The following FGD6 variants were observed in gnomAD, a reference collection of about 807,000 sequenced individuals.
FGD6 encodes FYVE, RhoGEF and PH domain-containing protein 6.
In FGD6, 90 loss-of-function variants were observed where a neutral mutation model predicts 149.4. That is an observed-to-expected ratio of 0.60 (90% CI 0.51 to 0.72). The LOEUF (loss-of-function observed/expected upper bound fraction) is 0.72. Ranked by LOEUF, FGD6 falls within the 30% of genes least tolerant of loss-of-function variation. The pLI is 0.00. For synonymous variants in FGD6, 527 were observed against 584.0 expected (o/e 0.90, Z 1.41); for missense variants, 1,437 against 1,684.8 (o/e 0.85, Z 2.57).
In FGD6 at chr12:95,217,220, C is replaced by T. The variant is rs1289808755; in HGVS notation, c.16+5G>A. On this transcript the variant is annotated splice_donor_5th_base_variant and intron_variant, in intron 1 of 20. Coordinates refer to ENST00000343958, the MANE Select transcript of FGD6 (RefSeq NM_018351.4). The stretch of plus-strand genomic sequence containing the variant: ...TCCCGCGGCAGCGCGAGCGCCGTCA[C>T]TTACCGGCTGCAGAAGTCATGATTC... 3 of 1,612,410 alleles carry T rather than the reference C, an allele frequency of 1.9e-6. No individual in the cohort carries two copies. The highest frequency in any genetic ancestry group is 8.5e-7 in the Non-Finnish European group (1 of 1,178,938).
chr12:95,179,917 A>G (rs1054167287), intron 2 of FGD6, among the ~76,000 whole-genome samples: 8 of 152,104 alleles, frequency 5.3e-5, no homozygotes, highest in Admixed American at 4.6e-4. Context: ...CATCTCTACT[A>G]AAAATACAAA....
chr12:95,176,304 G>A (rs1565916439), intron 2 of FGD6, among the ~76,000 whole-genome samples: 1 of 152,122 alleles, frequency 6.6e-6, no homozygotes, highest in Non-Finnish European at 1.5e-5. Context: ...TTGGAGTTCT[G>A]TTTATTTCCT....
At chr12:95,094,483 A>T (rs1332335227) in intron 15 of FGD6, 109 bp downstream of exon 15, 3 of 703,558 alleles carry the variant, frequency 4.3e-6, no homozygotes, top group Non-Finnish European at 4.9e-6. Context: ...TCTGATGTCC[A>T]GTCCAATCAT....
chr12:95,090,080 G>A (rs1169666136), intron 17 of FGD6, among the ~76,000 whole-genome samples: 1 of 152,102 alleles, frequency 6.6e-6, no homozygotes, highest in Non-Finnish European at 1.5e-5. Flanking sequence ...AAAAAAGGGG[G>A]CTATCGGACA....
chr12:95,112,797 T>G (rs147694633), intron 9 of FGD6, among the ~76,000 whole-genome samples: 1 of 152,282 alleles, frequency 6.6e-6, no homozygotes, highest in Non-Finnish European at 1.5e-5. Flanking sequence ...GAGTCCCTCA[T>G]GTTGTAATGG....
intron 3 of FGD6, among the ~76,000 whole-genome samples, chr12:95,169,815 A>T (rs193101112): frequency 4.6e-5 from 7 of 152,296 alleles, no homozygotes; most frequent in Admixed American, 3.9e-4. Flanking sequence ...TGATTTAATT[A>T]TGGCCCTCAA....
At chr12:95,202,928 T>C (rs926353298) in intron 2 of FGD6, among the ~76,000 whole-genome samples, 4 of 152,162 alleles carry the variant, frequency 2.6e-5, no homozygotes, top group Non-Finnish European at 5.9e-5. Context: ...TGAATATCAG[T>C]CCCAACCCCC....
chr12:95,160,257 G>A (rs1342231784), intron 3 of FGD6, among the ~76,000 whole-genome samples: 1 of 151,846 alleles, frequency 6.6e-6, no homozygotes, highest in East Asian at 1.9e-4. Context: ...ATATAAGAAT[G>A]GGCAATAAGT....
At chr12:95,131,573 A>G (rs1879520952) in intron 8 of FGD6, among the ~76,000 whole-genome samples, 1 of 152,148 alleles carries the variant, frequency 6.6e-6, no homozygotes, top group African/African-American at 2.4e-5. Flanking sequence ...GGCTACAAAG[A>G]GAATGGACTT....
At chr12:95,196,063 C>A (rs1228783525) in intron 2 of FGD6, among the ~76,000 whole-genome samples, 1 of 151,940 alleles carries the variant, frequency 6.6e-6, no homozygotes, top group Non-Finnish European at 1.5e-5. Context: ...GAGGTTGCAG[C>A]GAGCTTGAGA....
At position 95,186,225 on chromosome 12, in the gene FGD6, C is replaced by CTTTTTTTTTTTTTTTTTTTTTTTT. The variant is rs1881428152; in HGVS notation, c.2442-13482_2442-13481insAAAAAAAAAAAAAAAAAAAAAAAA. On this transcript the variant is annotated intron_variant, in intron 2 of 20. Coordinates refer to ENST00000343958, the MANE Select transcript of FGD6 (RefSeq NM_018351.4). ...AGCTAAGAATGCTTCTTATATTCTT[C>CTTTTTTTTTTTTTTTTTTTTTTTT]TTCTTTTTTTTTTTTTTTTTTTTTT... is the stretch of plus-strand genomic sequence containing the variant. 2.2e-4 allele frequency among the ~76,000 whole-genome samples: 16 copies of CTTTTTTTTTTTTTTTTTTTTTTTT among 71,186 alleles called. 8 individuals carry two copies. The highest frequency in any genetic ancestry group is 1.9e-3 in the East Asian group (4 of 2,076). 46.7% of individuals were successfully genotyped at this position (71,186 alleles called of 152,430 possible).
At position 95,137,634 on chromosome 12, in the gene FGD6, G is replaced by T. The variant is rs1335176037; in HGVS notation, c.2882C>A (p.Pro961Gln). 2 of 1,610,730 alleles carry T rather than the reference G, an allele frequency of 1.2e-6. No homozygotes were observed. The change falls in exon 7 of 21, where the codon CCA becomes CAA. Residue 961 changes from proline (P) to glutamine (Q), a missense_variant. By Grantham distance (76) the Pro-to-Gln change is moderately conservative (BLOSUM62 -1). Transcript: ENST00000343958. ...GTATGTGGAATACATTTTTAGATATGGTCCCTTCTTTACAAAGATATCAGC... is the reference window on the plus strand; with the variant it reads ...GTATGTGGAATACATTTTTAGATATTGTCCCTTCTTTACAAAGATATCAGC... Reference protein sequence around the residue: ...RIADIFVKKGPYLKMYSTYIK... With the variant: ...RIADIFVKKGQYLKMYSTYIK...
intron 9 of FGD6, among the ~76,000 whole-genome samples, chr12:95,111,473 A>G: frequency 6.6e-6 from 1 of 152,184 alleles, no homozygotes; most frequent in East Asian, 1.9e-4. Flanking sequence ...CCCAGGACCC[A>G]GGACAGATGT....
At chr12:95,084,420 A>G in intron 20 of FGD6, 78 bp downstream of exon 20, 1 of 1,275,490 alleles carries the variant, frequency 7.8e-7, no homozygotes, top group East Asian at 2.6e-5. Flanking sequence ...CCCATGCCTT[A>G]AAGTAGGTCA....
intron 2 of FGD6, 121 bp downstream of exon 2, chr12:95,208,722 C>T: frequency 8.4e-7 from 1 of 1,195,288 alleles, no homozygotes; most frequent in Non-Finnish European, 1.1e-6. Flanking sequence ...AGAATAATTA[C>T]ACATTTTCTA....
intron 3 of FGD6, among the ~76,000 whole-genome samples, chr12:95,169,757 C>T (rs979804589): frequency 5.3e-5 from 8 of 152,094 alleles, no homozygotes; most frequent in African/African-American, 1.9e-4. Flanking sequence ...AGAGTGTCTG[C>T]TAGGAAAAGA....
At chr12:95,120,047 G>A (rs919976673) in intron 8 of FGD6, among the ~76,000 whole-genome samples, 1 of 151,910 alleles carries the variant, frequency 6.6e-6, no homozygotes, top group African/African-American at 2.4e-5. Context: ...TGACCAACAT[G>A]GTGAAACCCC....
chr12:95,120,095 G>A (rs1879143626), intron 8 of FGD6, among the ~76,000 whole-genome samples: 2 of 151,788 alleles, frequency 1.3e-5, no homozygotes, highest in East Asian at 1.9e-4. Flanking sequence ...CGGGTGTGGT[G>A]GAATGCTCCT....
At chr12:95,137,919 C>T (rs1312574014) in intron 6 of FGD6, among the ~76,000 whole-genome samples, 3 of 152,040 alleles carry the variant, frequency 2.0e-5, no homozygotes, top group Non-Finnish European at 4.4e-5. Context: ...CAAGGAGAGA[C>T]TCTTAAAAAA....
Sources: allele counts gnomAD v4.1 joint callset (sites outside exome capture counted in the v4.1 genomes callset), GRCh38; gene constraint gnomAD v4.1.1; transcripts MANE v1.5; gene names NCBI Gene and HGNC (gene_info 2026-07-23, HGNC 2026-07-21).